Variants in KCNIP4 observed in about 807,000 individuals in gnomAD.
The protein encoded by KCNIP4 is potassium voltage-gated channel interacting protein 4.
In KCNIP4, 12 loss-of-function variants were observed where a neutral mutation model predicts 34.0. The observed-to-expected ratio is 0.35, with a 90% confidence interval of 0.23 to 0.57. The LOEUF (loss-of-function observed/expected upper bound fraction) is 0.57, where lower values mean the gene tolerates loss of function less well. KCNIP4 is among the 20% of genes least tolerant of loss of function. KCNIP4 has a pLI of 0.83. For synonymous variants in KCNIP4, 124 were observed against 102.2 expected (o/e 1.21, Z -1.29); for missense variants, 238 against 311.7 (o/e 0.76, Z 1.78).
rs546913673 is a variant in KCNIP4, at chr4:21,734,628, C to T, written c.61+213943G>A. 3.9e-5 allele frequency among the ~76,000 whole-genome samples: 6 copies of T among 152,162 alleles called. No individual in the cohort carries two copies. The East Asian group carries it at 5.8e-4, about 15-fold the overall frequency. ...ACAAATAAAGCACAAGATACAATTG[C>T]TATCTTTAAACACTTGACTCAATTG... On this transcript the variant is annotated intron_variant, in intron 1 of 8. Coordinates refer to ENST00000382152, the MANE Select transcript of KCNIP4 (RefSeq NM_025221.6).
In KCNIP4 at chr4:21,367,088, C is replaced by T. The variant is rs566340180; in HGVS notation, c.62-484379G>A. On this transcript the variant is annotated intron_variant, in intron 1 of 8. Coordinates refer to ENST00000382152, the MANE Select transcript of KCNIP4 (RefSeq NM_025221.6). ...CCCTTCTGATGCAGCACTCAAGGTG[C>T]CATTTTAAAAGTGGAGAGAACAGCC... Among the ~76,000 whole-genome samples, 13 of 152,156 alleles carry T rather than the reference C, an allele frequency of 8.5e-5. 1 individual carries two copies. Among genetic ancestry groups the T allele is most frequent in the African/African-American group, 3.1e-4 (13 of 41,524 alleles).
chr4:21,406,772 C>T (rs1277499502), intron 1 of KCNIP4, among the ~76,000 whole-genome samples: 1 of 152,090 alleles, frequency 6.6e-6, no homozygotes, highest in Non-Finnish European at 1.5e-5. Context: ...GCAAAGTTAG[C>T]CTGTACCTTC....
rs1436196862 is a variant in KCNIP4 at position 21,827,988 on chromosome 4, G to GA, written c.61+120582dup. On this transcript the variant is annotated intron_variant, in intron 1 of 8. Coordinates refer to ENST00000382152, the MANE Select transcript of KCNIP4 (RefSeq NM_025221.6). The stretch of plus-strand genomic sequence containing the variant: ...ACGAGCCGCTCTAACTTATAAACAG[G>GA]AAAAAAGGCACCATTAATGAGAGTC... Among the ~76,000 whole-genome samples the GA allele has an allele frequency of 9.7e-5, 14 of 144,906 alleles. No individual in the cohort carries two copies. In the South Asian group the frequency reaches 3.1e-3, roughly 32 times the overall value.
At chr4:21,758,393 G>C (rs1717810561) in intron 1 of KCNIP4, among the ~76,000 whole-genome samples, 1 of 152,174 alleles carries the variant, frequency 6.6e-6, no homozygotes, top group Non-Finnish European at 1.5e-5. Flanking sequence ...TAAAAACAGG[G>C]TGACCCCCAC....
intron 1 of KCNIP4, chr4:21,718,389 T>C (rs1395260275): frequency 6.6e-6 from 1 of 152,184 alleles, no homozygotes; most frequent in Non-Finnish European, 1.5e-5. Flanking sequence ...ATTATAAAAT[T>C]TGGTAAACAT....
intron 1 of KCNIP4, among the ~76,000 whole-genome samples, chr4:21,317,645 A>C (rs1362076032): frequency 6.6e-6 from 1 of 152,192 alleles, no homozygotes; most frequent in Admixed American, 6.5e-5. Flanking sequence ...CTGGCCTTGC[A>C]GAAACATTTT....
chr4:20,761,425 C>G (rs1204686174), intron 3 of KCNIP4, among the ~76,000 whole-genome samples: 2 of 152,210 alleles, frequency 1.3e-5, no homozygotes. Flanking sequence ...GACTATCTAT[C>G]TAGCTGACAC....
chr4:20,993,738 G>T (rs1737294760), intron 1 of KCNIP4, among the ~76,000 whole-genome samples: 1 of 152,192 alleles, frequency 6.6e-6, no homozygotes, highest in Non-Finnish European at 1.5e-5. Context: ...TCCCGTTGCT[G>T]CTATAGTAAA....
At chr4:21,034,688 T>C (rs1741302077) in intron 1 of KCNIP4, among the ~76,000 whole-genome samples, 1 of 152,182 alleles carries the variant, frequency 6.6e-6, no homozygotes. Flanking sequence ...TAGTGTGAGT[T>C]CCATCTGTTA....
intron 1 of KCNIP4, among the ~76,000 whole-genome samples, chr4:21,476,065 G>A (rs1042892549): frequency 3.3e-5 from 5 of 152,130 alleles, no homozygotes; most frequent in Admixed American, 6.5e-5. Flanking sequence ...AATTACATTT[G>A]ATTCAAAGGT....
chr4:21,059,893 C>T (rs1743764728), intron 1 of KCNIP4, among the ~76,000 whole-genome samples: 3 of 152,046 alleles, frequency 2.0e-5, no homozygotes, highest in Admixed American at 2.0e-4. Flanking sequence ...TGACTGAAAC[C>T]TGGCCCTTGT....
chr4:20,850,830 A>G (rs901507805), intron 2 of KCNIP4, 163 bp from the exon 3 acceptor site: 11 of 646,700 alleles, frequency 1.7e-5, no homozygotes, highest in Non-Finnish European at 2.6e-5. Context: ...TCCCAGTTTA[A>G]GCGTATTAAG....
intron 2 of KCNIP4, among the ~76,000 whole-genome samples, chr4:20,869,781 G>A (rs964673648): frequency 1.3e-5 from 2 of 152,078 alleles, no homozygotes; most frequent in African/African-American, 4.8e-5. Flanking sequence ...TAATTGAGGT[G>A]TTATTCTAGA....
chr4:21,304,283 T>C (rs116109771), intron 1 of KCNIP4, among the ~76,000 whole-genome samples: 2 of 152,138 alleles, frequency 1.3e-5, no homozygotes, highest in African/African-American at 4.8e-5. Flanking sequence ...TTCCTCATTA[T>C]CACTCTTGCA....
chr4:21,939,299 G>T (rs1260514075), intron 1 of KCNIP4, among the ~76,000 whole-genome samples: 1 of 151,956 alleles, frequency 6.6e-6, no homozygotes, highest in Non-Finnish European at 1.5e-5. Context: ...GGACTTACAG[G>T]GTGTAGCGGA....
chr4:21,585,262 C>A (rs903550294), intron 1 of KCNIP4, among the ~76,000 whole-genome samples: 2 of 151,986 alleles, frequency 1.3e-5, no homozygotes, highest in East Asian at 3.9e-4. Flanking sequence ...ATGCTGCATG[C>A]CCACTTCCCA....
chr4:21,486,562 A>G (rs1731930685), intron 1 of KCNIP4, among the ~76,000 whole-genome samples: 1 of 152,152 alleles, frequency 6.6e-6, no homozygotes, highest in African/African-American at 2.4e-5. Flanking sequence ...AACCCTCCAT[A>G]ATTTATTGAC....
At chr4:21,239,472 C>T (rs1759631563) in intron 1 of KCNIP4, among the ~76,000 whole-genome samples, 1 of 151,776 alleles carries the variant, frequency 6.6e-6, no homozygotes, top group Admixed American at 6.6e-5. Context: ...TTGCAACTTA[C>T]TCATCTGACA....
At chr4:21,806,901 C>A (rs138597038) in intron 1 of KCNIP4, among the ~76,000 whole-genome samples, 137 of 152,124 alleles carry the variant, frequency 9.0e-4, no homozygotes, top group Non-Finnish European at 1.7e-3. Flanking sequence ...ATGATTCAAG[C>A]ACATTATATT....
Sources: allele counts gnomAD v4.1 joint callset (sites outside exome capture counted in the v4.1 genomes callset), GRCh38; gene constraint gnomAD v4.1.1; transcripts MANE v1.5; gene names NCBI Gene and HGNC (gene_info 2026-07-23, HGNC 2026-07-21).